The following EYS variants were observed in gnomAD, a reference collection of about 807,000 sequenced individuals.
EYS encodes EGF-like photoreceptor maintenance factor.
EYS carries 250 observed loss-of-function variants against 282.1 expected under a neutral mutation model. The ratio of observed to expected loss-of-function variants is 0.89; its 90% CI spans 0.80 to 0.98. EYS has a LOEUF of 0.98. Ranked by LOEUF, EYS falls within the 50% of genes least tolerant of loss-of-function variation. EYS has a pLI of 0.00. For synonymous variants in EYS, 1,355 were observed against 1,282.9 expected, an observed-to-expected ratio of 1.06 and a Z score of -1.20; for missense variants, 4,016 against 3,709.0, an observed-to-expected ratio of 1.08 and a Z score of -2.15.
intron 5 of EYS, among the ~76,000 whole-genome samples, chr6:65,411,311 G>T (rs1408907503): frequency 6.6e-6 from 1 of 151,994 alleles, no homozygotes; most frequent in Non-Finnish European, 1.5e-5. Context: ...GTGTATATTT[G>T]TCATGGCAGT....
chr6:65,681,112 A>G (rs1448944010), intron 1 of EYS, among the ~76,000 whole-genome samples: 1 of 144,976 alleles, frequency 6.9e-6, no homozygotes, highest in Non-Finnish European at 1.5e-5. Flanking sequence ...GATTCAATTC[A>G]ATTCTCTAAC....
chr6:64,353,513 G>C (rs1468281154), intron 29 of EYS, among the ~76,000 whole-genome samples: 3 of 151,644 alleles, frequency 2.0e-5, no homozygotes, highest in Admixed American at 1.3e-4. Context: ...AAGGGCATTA[G>C]GAAAATCTCA....
intron 36 of EYS, among the ~76,000 whole-genome samples, chr6:63,846,438 T>C (rs1186832119): frequency 6.6e-6 from 1 of 152,192 alleles, no homozygotes; most frequent in East Asian, 1.9e-4. Context: ...AGTCTCACTT[T>C]AACAATTTCA....
chr6:63,733,687 T>C (rs1768837263), intron 41 of EYS, among the ~76,000 whole-genome samples: 1 of 152,158 alleles, frequency 6.6e-6, no homozygotes, highest in African/African-American at 2.4e-5. Flanking sequence ...GTAGCCAAAG[T>C]ATCAGCATTT....
intron 19 of EYS, among the ~76,000 whole-genome samples, chr6:64,844,359 T>G (rs556677746): frequency 1.1e-4 from 13 of 120,140 alleles, no homozygotes; most frequent in South Asian, 2.7e-4. Context: ...TGCTGTTGGG[T>G]TTTTTTTTTT....
chr6:65,586,224 C>CT (rs1167418912), intron 2 of EYS, among the ~76,000 whole-genome samples: 2 of 151,860 alleles, frequency 1.3e-5, no homozygotes, highest in African/African-American at 4.8e-5. Flanking sequence ...TCAGAAGAGG[C>CT]TTTTAACTGA....
intron 2 of EYS, among the ~76,000 whole-genome samples, chr6:65,621,054 A>T (rs1429490507): frequency 1.3e-5 from 2 of 152,150 alleles, no homozygotes; most frequent in African/African-American, 4.8e-5. Flanking sequence ...AGAGTTTTGT[A>T]GATATCTATT....
chr6:65,270,594 A>G (rs58820271), intron 12 of EYS, among the ~76,000 whole-genome samples: 36,402 of 151,860 alleles, frequency 0.24, 4,538 homozygotes, highest in Middle Eastern at 0.28. Context: ...TTTTTTTCTT[A>G]ATAATTTGGT....
chr6:65,475,548 A>T (rs945827126), intron 5 of EYS, among the ~76,000 whole-genome samples: 3 of 152,160 alleles, frequency 2.0e-5, no homozygotes, highest in African/African-American at 7.2e-5. Context: ...AAGTAGCCAG[A>T]TCATTACTTT....
chr6:63,729,698 A>C (rs2149634128), intron 41 of EYS, among the ~76,000 whole-genome samples: 1 of 152,190 alleles, frequency 6.6e-6, no homozygotes, highest in South Asian at 2.1e-4. Context: ...CAGTTCCCTC[A>C]TTGAAGGGTA....
At chr6:64,961,444 C>T (rs1450876790) in intron 14 of EYS, among the ~76,000 whole-genome samples, 1 of 130,130 alleles carries the variant, frequency 7.7e-6, no homozygotes, top group Non-Finnish European at 1.5e-5. Context: ...TTATCCTTTC[C>T]AATATATCAT....
chr6:63,847,469 A>G lies in EYS; in HGVS notation c.7228+16717T>C, dbSNP rs141589975. 8.4e-3 allele frequency among the ~76,000 whole-genome samples: 1,274 copies of G among 151,536 alleles called. 8 individuals carry two copies. Among genetic ancestry groups the G allele is most frequent in the Admixed American group, 0.014 (213 of 15,226 alleles). On this transcript the variant is annotated intron_variant, in intron 36 of 42. Transcript: ENST00000503581. Reference sequence around the variant, plus strand: ...TGCTCTCCCTTTCTCTCTTTTTCCAAATTAATTTTTGTCTTAGAAATGCAT... The same window carrying G: ...TGCTCTCCCTTTCTCTCTTTTTCCAGATTAATTTTTGTCTTAGAAATGCAT...
At chr6:64,616,565 A>C (rs1767282126) in intron 24 of EYS, among the ~76,000 whole-genome samples, 2 of 151,966 alleles carry the variant, frequency 1.3e-5, no homozygotes, top group Non-Finnish European at 2.9e-5. Flanking sequence ...ATTTTTTTCT[A>C]TGTAATTCCT....
intron 31 of EYS, among the ~76,000 whole-genome samples, chr6:64,094,083 C>G (rs982068808): frequency 6.6e-6 from 1 of 152,236 alleles, no homozygotes; most frequent in East Asian, 1.9e-4. Context: ...GTGGAACCAG[C>G]CTTGCATCCC....
At chr6:65,579,206 T>A (rs1489160764) in intron 2 of EYS, among the ~76,000 whole-genome samples, 3 of 152,024 alleles carry the variant, frequency 2.0e-5, no homozygotes, top group Non-Finnish European at 2.9e-5. Flanking sequence ...AAATAGCAAG[T>A]ACTTAAAAAA....
chr6:64,231,922 T>C (rs1449039631), intron 30 of EYS, among the ~76,000 whole-genome samples: 3 of 152,152 alleles, frequency 2.0e-5, no homozygotes, highest in Non-Finnish European at 4.4e-5. Flanking sequence ...CAATTAAACA[T>C]AATAAATTTT....
intron 26 of EYS, among the ~76,000 whole-genome samples, chr6:64,464,310 T>C (rs1775849684): frequency 6.6e-6 from 1 of 152,008 alleles, no homozygotes; most frequent in South Asian, 2.1e-4. Flanking sequence ...CAAAGCAAAA[T>C]AAACTATAGA....
intron 2 of EYS, among the ~76,000 whole-genome samples, chr6:65,633,235 C>T (rs750438421): frequency 4.6e-5 from 7 of 152,156 alleles, no homozygotes; most frequent in Admixed American, 2.0e-4. Flanking sequence ...GTTCACTTTG[C>T]TCTCACCACT....
intron 28 of EYS, among the ~76,000 whole-genome samples, chr6:64,396,250 T>C (rs369140822): frequency 6.6e-6 from 1 of 152,314 alleles, no homozygotes; most frequent in East Asian, 1.9e-4. Flanking sequence ...TGTTGAGCTA[T>C]GAATAGTGCT....
Sources: allele counts gnomAD v4.1 joint callset (sites outside exome capture counted in the v4.1 genomes callset), GRCh38; gene constraint gnomAD v4.1.1; transcripts MANE v1.5; gene names NCBI Gene and HGNC (gene_info 2026-07-23, HGNC 2026-07-21).